The following EPS8L2 variants were observed in gnomAD, a reference collection of about 807,000 sequenced individuals.
EPS8L2 encodes the protein epidermal growth factor receptor kinase substrate 8-like protein 2.
Under a neutral mutation model 99.4 loss-of-function variants are expected in EPS8L2, and 81 were observed. That is an observed-to-expected ratio of 0.82 (90% CI 0.68 to 0.98). The LOEUF (loss-of-function observed/expected upper bound fraction) is 0.98, where lower values mean the gene tolerates loss of function less well. Among genes scored for constraint, EPS8L2 ranks in the 50% least tolerant of loss-of-function variants. The probability of loss-of-function intolerance (pLI) is 0.00; values close to 1 mark genes in which losing one functional copy is unlikely to be tolerated. For synonymous variants in EPS8L2, 509 were observed against 407.3 expected (o/e 1.25, Z -3.01); for missense variants, 1,155 against 968.8 (o/e 1.19, Z -2.55).
Position 710,504 on chromosome 11 carries a change from G to A in EPS8L2, c.165+18G>A. ...ACGTCCAGGTAAGGCCCCGCCCCCA[G>A]GTAGGCTCCGCCCCCAGGGAGCACC... On this transcript the variant is annotated intron_variant, in intron 4 of 20. Coordinates refer to ENST00000318562, the MANE Select transcript of EPS8L2 (RefSeq NM_022772.4). The A allele has an allele frequency of 6.2e-7, 1 of 1,611,576 alleles. No homozygotes were observed. Among genetic ancestry groups the A allele is most frequent in the Non-Finnish European group, 8.5e-7 (1 of 1,178,090 alleles).
In EPS8L2 at chr11:722,182, G is replaced by C; in HGVS notation, c.1059+17G>C. 6.2e-7 allele frequency: 1 copy of C among 1,610,362 alleles called. No individual in the cohort carries two copies. Among genetic ancestry groups the C allele is most frequent in the African/African-American group, 1.3e-5 (1 of 75,008 alleles). On this transcript the variant is annotated intron_variant, in intron 12 of 20. Transcript: ENST00000318562. ...CTGGACCTGGTGCCTGGGGCCGGGC[G>C]GCAGGGGCGCGCAGGGTGGGGGCCC...
intron 1 of EPS8L2, among the ~76,000 whole-genome samples, chr11:707,646 C>T (rs1377783324): frequency 1.3e-5 from 2 of 152,038 alleles, no homozygotes; most frequent in Admixed American, 6.5e-5. Context: ...CAGCCCCATA[C>T]CCATGTGCTT....
At chr11:720,561 C>G (rs1862129552) in intron 5 of EPS8L2, 36 bp from the exon 6 acceptor site, 1 of 1,579,970 alleles carries the variant, frequency 6.3e-7, no homozygotes, top group Non-Finnish European at 8.6e-7. Context: ...TGCCCAGACC[C>G]CGGGTGCGAG....
At position 722,076 on chromosome 11, in the gene EPS8L2, T is replaced by G. The variant is rs752054193; in HGVS notation, c.985-15T>G. On this transcript the variant is annotated splice_polypyrimidine_tract_variant and intron_variant, in intron 11 of 20. Coordinates refer to ENST00000318562, the MANE Select transcript of EPS8L2 (RefSeq NM_022772.4). ...CGCCCCGCCCCGGCACCTGCTCACT[T>G]GTTCCCACCCCCAGGCAAAGCTGCA... 5 of 1,612,804 alleles carry G rather than the reference T, an allele frequency of 3.1e-6. No individual in the cohort carries two copies. The highest frequency in any genetic ancestry group is 4.2e-6 in the Non-Finnish European group (5 of 1,179,758).
chr11:719,972 C>T (rs750949990), intron 4 of EPS8L2, 90 bp from the exon 5 acceptor site: 1 of 1,358,532 alleles, frequency 7.4e-7, no homozygotes, highest in East Asian at 2.5e-5. Flanking sequence ...TTGGCTGTGG[C>T]CCCTCAGCCC....
chr11:710,550 A>T (rs539628025), intron 4 of EPS8L2, 64 bp downstream of exon 4: 2 of 1,420,244 alleles, frequency 1.4e-6, no homozygotes, highest in East Asian at 4.5e-5. Context: ...GGCTGTCCTC[A>T]GGTTCTCGTC....
Position 724,433 on chromosome 11 carries a change from G to C in EPS8L2, c.1455-291G>C, listed in dbSNP as rs1402563487. 1 of 428,890 alleles carries C rather than the reference G, an allele frequency of 2.3e-6. No individual in the cohort carries two copies. Among genetic ancestry groups the C allele is most frequent in the Non-Finnish European group, 4.3e-6 (1 of 233,412 alleles). The allele number at this position is 428,890 out of a possible 1,614,324, so 26.6% of individuals were successfully genotyped here. ...TGGCTCTGGTTCCCCTGGGGTGCCG[G>C]ACTGGAGACCCCTGAGGTGGCCTGG... On this transcript the variant is annotated intron_variant, in intron 15 of 20. Transcript: ENST00000318562. The surrounding 1 kb of genome is among the most constrained non-coding windows in gnomAD (Gnocchi z 5.5).
Position 724,815 on chromosome 11 carries a change from G to A in EPS8L2, c.1546G>A (p.Asp516Asn), listed in dbSNP as rs1246103704. 3 of 1,612,706 alleles carry A rather than the reference G, an allele frequency of 1.9e-6. No homozygotes were observed. The highest frequency in any genetic ancestry group is 2.2e-5 in the East Asian group (1 of 44,902). The change falls in exon 16 of 21, where the codon GAT becomes AAT. Residue 516 changes from aspartate (D) to asparagine (N), a missense_variant. Transcript: ENST00000318562. This position sits in a 1 kb window ranked among gnomAD's most constrained non-coding sequence, Gnocchi z 5.5. ...RNANELSVLKDEVLEVLEDGR... is the reference protein window; with the variant it reads ...RNANELSVLKNEVLEVLEDGR... ...TGCCAACGAGCTATCGGTGCTCAAGGATGAGGTCCTAGAGGTGAGGGGCTG... is the reference window on the plus strand; with the variant it reads ...TGCCAACGAGCTATCGGTGCTCAAGAATGAGGTCCTAGAGGTGAGGGGCTG...
At chr11:719,588 A>T (rs1214106185) in intron 4 of EPS8L2, among the ~76,000 whole-genome samples, 1 of 152,236 alleles carries the variant, frequency 6.6e-6, no homozygotes, top group Non-Finnish European at 1.5e-5. Flanking sequence ...TGGCAACCGG[A>T]ACAGTGCCTT....
chr11:721,247 T>TG (rs1862165663), intron 8 of EPS8L2, 38 bp from the exon 9 acceptor site: 7 of 1,537,062 alleles, frequency 4.6e-6, no homozygotes, highest in South Asian at 3.6e-5. Flanking sequence ...GGGCTCGTTG[T>TG]GGGGGGCTCG....
intron 15 of EPS8L2, among the ~76,000 whole-genome samples, 195 bp downstream of exon 15, chr11:723,548 T>C (rs1445119228): frequency 6.6e-6 from 1 of 152,248 alleles, no homozygotes; most frequent in Non-Finnish European, 1.5e-5. Context: ...TCAAAAGTCA[T>C]GCACAAATTC....
intron 1 of EPS8L2, among the ~76,000 whole-genome samples, chr11:707,390 C>T (rs989568652): frequency 1.3e-5 from 2 of 152,186 alleles, no homozygotes; most frequent in Admixed American, 6.5e-5. Context: ...TCAGCTGACC[C>T]CTCCCCAAGG....
At chr11:715,048 C>A (rs561407576) in intron 4 of EPS8L2, among the ~76,000 whole-genome samples, 2 of 152,192 alleles carry the variant, frequency 1.3e-5, no homozygotes, top group South Asian at 2.1e-4. Flanking sequence ...CAAGACCATT[C>A]TGGCTAACAT....
At position 720,180 on chromosome 11, in the gene EPS8L2, A is replaced by G; in HGVS notation, c.284A>G (p.Gln95Arg). 7 of 1,613,464 alleles carry G rather than the reference A, an allele frequency of 4.3e-6. No individual in the cohort carries two copies. Among genetic ancestry groups the G allele is most frequent in the Non-Finnish European group, 5.9e-6 (7 of 1,179,972 alleles). ...EKIWTQEMLLQVNDQSLRLLD... is the reference protein window; with the variant it reads ...EKIWTQEMLLRVNDQSLRLLD... ...ATCTGGACCCAGGAGATGCTGCTGC[A>G]GGTGAACGACCAGTCGCTGCGGCTG... The change falls in exon 5 of 21, where the codon CAG becomes CGG. Residue 95 changes from glutamine (Q) to arginine (R), a missense_variant. Physicochemically the swap from Gln to Arg is conservative, Grantham distance 43. Coordinates refer to ENST00000318562, the MANE Select transcript of EPS8L2 (RefSeq NM_022772.4).
chr11:714,132 C>T (rs1399241926), intron 4 of EPS8L2, among the ~76,000 whole-genome samples: 4 of 152,108 alleles, frequency 2.6e-5, no homozygotes, highest in African/African-American at 9.7e-5. Flanking sequence ...AAGAAGTCAT[C>T]CTTTGACCAA....
chr11:709,660 G>C, intron 3 of EPS8L2, 52 bp downstream of exon 3: 1 of 1,586,664 alleles, frequency 6.3e-7, no homozygotes, highest in Non-Finnish European at 8.6e-7. Context: ...AATGGGCACT[G>C]CATCCAGGTG....
chr11:722,322 G>A, intron 12 of EPS8L2, 79 bp from the exon 13 acceptor site: 1 of 1,572,994 alleles, frequency 6.4e-7, no homozygotes, highest in Non-Finnish European at 8.7e-7. Context: ...CCCTTCCCGA[G>A]GGCCAGCCTG....
rs778266262 is a variant in EPS8L2 at position 720,759 on chromosome 11, C to T, written c.477+13C>T. ...CGATGAGGTGGAGGTGAGGCGGTGC[C>T]GGGCGGGGCAGGGTGGGGCCCCGCC... On this transcript the variant is annotated intron_variant, in intron 6 of 20. Coordinates refer to ENST00000318562, the MANE Select transcript of EPS8L2 (RefSeq NM_022772.4). 5.9e-6 allele frequency: 6 copies of T among 1,022,918 alleles called. No individual in the cohort carries two copies. The highest frequency in any genetic ancestry group is 8.2e-6 in the Non-Finnish European group (6 of 731,342). 63.4% of individuals were successfully genotyped at this position (1,022,918 alleles called of 1,614,324 possible).
Position 721,938 on chromosome 11 carries a change from G to A in EPS8L2, c.931G>A (p.Glu311Lys). Residue 311 changes from glutamate to lysine, a missense_variant, in exon 11 of 21, where the codon GAG (glutamate) becomes AAG (lysine). By Grantham distance (56) the Glu-to-Lys change is moderately conservative (BLOSUM62 1). Transcript: ENST00000318562. ...CACACTGCGGGCACGGCCCCCCTCT[G>A]AGGGCGAGTTCATCGACTGCTTCCA... is the stretch of plus-strand genomic sequence containing the variant. ...VLTLRARPPS[E>K]GEFIDCFQKI... 6.3e-7 allele frequency: 1 copy of A among 1,599,610 alleles called. No homozygotes were observed. Among genetic ancestry groups the A allele is most frequent in the East Asian group, 2.3e-5 (1 of 43,916 alleles).
Sources: allele counts gnomAD v4.1 joint callset (sites outside exome capture counted in the v4.1 genomes callset), GRCh38; gene constraint gnomAD v4.1.1; non-coding constraint Gnocchi (gnomAD v3.1); transcripts MANE v1.5; gene names NCBI Gene and HGNC (gene_info 2026-07-23, HGNC 2026-07-21).